The following CNTRL variants were observed in gnomAD, a reference collection of about 807,000 sequenced individuals.
CNTRL encodes the protein 110 kDa centrosomal protein.
CNTRL carries 233 observed loss-of-function variants against 303.7 expected under a neutral mutation model. The observed-to-expected ratio is 0.77, with a 90% CI of 0.69 to 0.86. The LOEUF (loss-of-function observed/expected upper bound fraction) is 0.86, where lower values mean the gene tolerates loss of function less well. CNTRL is among the 40% of genes least tolerant of loss of function. The probability of loss-of-function intolerance (pLI) is 0.00; values close to 1 mark genes in which losing one functional copy is unlikely to be tolerated. For missense variants in CNTRL, 2,524 were observed against 2,650.6 expected (o/e 0.95, Z 1.05); for synonymous variants, 900 against 922.2 (o/e 0.98, Z 0.44).
intron 14 of CNTRL, among the ~76,000 whole-genome samples, chr9:121,130,533 T>C (rs753598718): frequency 6.6e-6 from 1 of 152,228 alleles, no homozygotes; most frequent in Non-Finnish European, 1.5e-5. Context: ...TCTTCTTTGT[T>C]AGTCTTGCTA....
rs1564195205 is a variant in CNTRL, at chr9:121,092,702, CTATATATATAATATATATCTA to C, written c.349-2158_349-2138del. Among the ~76,000 whole-genome samples the C allele has an allele frequency of 4.3e-4, 12 of 27,726 alleles. 2 individuals carry two copies. Among genetic ancestry groups the C allele is most frequent in the African/African-American group, 8.8e-4 (8 of 9,088 alleles). 18.2% of individuals were successfully genotyped at this position (27,726 alleles called of 152,430 possible). A position where few individuals can be genotyped will look rare whatever the true frequency, so the allele number is the denominator to read the frequency against. ...ATATATCTATATATATAATATATAT[CTATATATATAATATATATCTA>C]TATATATATAATATATATCTATATA... On this transcript the variant is annotated intron_variant, in intron 4 of 43. Transcript: ENST00000373855.
At chr9:121,098,625 C>A (rs2048991488) in intron 7 of CNTRL, 53 bp downstream of exon 7, 2 of 1,136,418 alleles carry the variant, frequency 1.8e-6, no homozygotes, top group Admixed American at 2.7e-5. Context: ...AATTTATTTT[C>A]AGAAGTTATC....
chr9:121,173,548 T>C (rs1221842035), intron 41 of CNTRL, 39 bp downstream of exon 41: 11 of 1,610,128 alleles, frequency 6.8e-6, no homozygotes, highest in Non-Finnish European at 7.6e-6. Flanking sequence ...TTCGTAGGAT[T>C]GACCACCTCC....
intron 9 of CNTRL, 37 bp downstream of exon 9, chr9:121,112,615 A>C (rs367609049): frequency 6.2e-7 from 1 of 1,603,876 alleles, no homozygotes; most frequent in Non-Finnish European, 8.5e-7. Context: ...CCAAAGTTAA[A>C]GCCCACATGG....
At chr9:121,093,614 G>A (rs2048758656) in intron 4 of CNTRL, among the ~76,000 whole-genome samples, 3 of 152,208 alleles carry the variant, frequency 2.0e-5, no homozygotes, top group African/African-American at 7.2e-5. Context: ...AAGATAAGAT[G>A]ATAGCTTCAT....
intron 6 of CNTRL, among the ~76,000 whole-genome samples, chr9:121,097,419 A>G (rs1032932179): frequency 1.3e-5 from 2 of 152,184 alleles, no homozygotes; most frequent in African/African-American, 2.4e-5. Context: ...GGCTCAGATG[A>G]AATGATAGAT....
At chr9:121,105,734 G>A (rs2049435348) in intron 7 of CNTRL, among the ~76,000 whole-genome samples, 2 of 152,170 alleles carry the variant, frequency 1.3e-5, no homozygotes, top group African/African-American at 4.8e-5. Flanking sequence ...GATATGAAGT[G>A]AGAAGCAGAG....
chr9:121,121,940 T>C, intron 12 of CNTRL: 1 of 985,094 alleles, frequency 1.0e-6, no homozygotes, highest in Non-Finnish European at 1.2e-6. Flanking sequence ...ACAGGATAAA[T>C]TTTAAGTTAA....
chr9:121,143,792 A>G (rs1379608623), intron 19 of CNTRL, 111 bp from the exon 20 acceptor site: 1 of 714,032 alleles, frequency 1.4e-6, no homozygotes, highest in African/African-American at 1.8e-5. Context: ...CCTGTGTATC[A>G]AGTATTGTTC....
intron 14 of CNTRL, among the ~76,000 whole-genome samples, chr9:121,133,568 T>G (rs552191874): frequency 5.9e-5 from 9 of 152,322 alleles, no homozygotes; most frequent in African/African-American, 2.2e-4. Flanking sequence ...ACGGCTTCCC[T>G]TGGCTAGGAA....
intron 4 of CNTRL, among the ~76,000 whole-genome samples, chr9:121,091,826 C>T (rs2048584330): frequency 6.6e-6 from 1 of 150,986 alleles, no homozygotes; most frequent in Non-Finnish European, 1.5e-5. Context: ...CCTGGGCAAC[C>T]TAGATGTTCA....
intron 12 of CNTRL, among the ~76,000 whole-genome samples, chr9:121,121,616 G>GTAAC (rs962331701): frequency 1.3e-5 from 2 of 152,308 alleles, no homozygotes; most frequent in African/African-American, 4.8e-5. Flanking sequence ...GAAGCAAAAG[G>GTAAC]TAACTGTTCG....
At chr9:121,078,854 G>A (rs1564180677) in intron 1 of CNTRL, among the ~76,000 whole-genome samples, 1 of 152,206 alleles carries the variant, frequency 6.6e-6, no homozygotes, top group East Asian at 1.9e-4. Flanking sequence ...GTGGGAAGGG[G>A]CGTAGAGCTT....
At chr9:121,098,331 G>A in intron 6 of CNTRL, 55 bp from the exon 7 acceptor site, 1 of 1,290,684 alleles carries the variant, frequency 7.7e-7, no homozygotes, top group Non-Finnish European at 1.1e-6. Context: ...CTTCCTTTAA[G>A]TATGTTATGA....
chr9:121,137,247 A>G (rs927920810), intron 15 of CNTRL, among the ~76,000 whole-genome samples: 1 of 152,184 alleles, frequency 6.6e-6, no homozygotes, highest in Non-Finnish European at 1.5e-5. Context: ...CTGCCTGCTG[A>G]AAATCTGGGT....
chr9:121,145,438 A>G lies in CNTRL; in HGVS notation c.3310+53A>G. ...AGTGGTTTTGTAGTCATAAAATTAA[A>G]TCATCTCATTTGTTTTTTACCTTTA... On this transcript the variant is annotated intron_variant, in intron 22 of 43. Coordinates refer to ENST00000373855, the MANE Select transcript of CNTRL (RefSeq NM_007018.6). 5 of 1,524,776 alleles carry G rather than the reference A, an allele frequency of 3.3e-6. No individual in the cohort carries two copies. In the South Asian group the frequency reaches 3.9e-5, roughly 12 times the overall value. 94.5% of individuals were successfully genotyped at this position (1,524,776 alleles called of 1,614,324 possible).
rs779008630 is a variant in CNTRL at position 121,142,113 on chromosome 9, A to G, written c.2714A>G (p.His905Arg). ...CAGATGAATTTTGATAAGAGGCAACATGAAGCAAGAATCCAGCAAATGGAG... is the reference window on the plus strand; with the variant it reads ...CAGATGAATTTTGATAAGAGGCAACGTGAAGCAAGAATCCAGCAAATGGAG... ...EARMNFDKRQ[H>R]EARIQQMENE... The change falls in exon 19 of 44, where the codon CAT becomes CGT. Residue 905 changes from histidine (H) to arginine (R), a missense_variant. Transcript: ENST00000373855. The G allele has an allele frequency of 6.3e-7, 1 of 1,599,364 alleles. No homozygotes were observed. Among genetic ancestry groups the G allele is most frequent in the South Asian group, 1.1e-5 (1 of 87,236 alleles).
At position 121,152,646 on chromosome 9, in the gene CNTRL, TGAAGTAGAAGAATTACATA is replaced by T. The variant is rs746624176; in HGVS notation, c.4129_4147del (p.Val1377LeufsTer20). On this transcript the variant is annotated frameshift_variant, in exon 26 of 44. Coordinates refer to ENST00000373855, the MANE Select transcript of CNTRL (RefSeq NM_007018.6). LOFTEE classifies it high-confidence loss of function. ...TGCAAGAGAAGAAAAGCTTAGAGTG[TGAAGTAGAAGAATTACATA>T]GAACTGTCCAGAAACGTCAACAGCA... 3 of 1,614,032 alleles carry T rather than the reference TGAAGTAGAAGAATTACATA, an allele frequency of 1.9e-6. No homozygotes were observed. Among genetic ancestry groups the T allele is most frequent in the Non-Finnish European group, 2.5e-6 (3 of 1,179,918 alleles).
Position 121,141,466 on chromosome 9 carries a change from G to GA in CNTRL, c.2572dup (p.Arg858LysfsTer3). 1 of 1,614,074 alleles carries GA rather than the reference G, an allele frequency of 6.2e-7. No individual in the cohort carries two copies. The highest frequency in any genetic ancestry group is 8.5e-7 in the Non-Finnish European group (1 of 1,179,974). ...TGAAATTCTTGCACGCTCCAAGTGG[G>GA]AAAGAGATGAAGCACAAGTTAGAGA... On this transcript the variant is annotated frameshift_variant, in exon 18 of 44. Coordinates refer to ENST00000373855, the MANE Select transcript of CNTRL (RefSeq NM_007018.6). LOFTEE classifies it high-confidence loss of function.
Sources: allele counts gnomAD v4.1 joint callset (sites outside exome capture counted in the v4.1 genomes callset), GRCh38; gene constraint gnomAD v4.1.1; transcripts MANE v1.5; gene names NCBI Gene and HGNC (gene_info 2026-07-23, HGNC 2026-07-21).